Variants in PHC3 observed in about 807,000 individuals in gnomAD.
PHC3 encodes polyhomeotic homolog 3.
Under a neutral mutation model 107.4 loss-of-function variants are expected in PHC3, and 13 were observed. The ratio of observed to expected loss-of-function variants is 0.12; its 90% CI spans 0.08 to 0.19. The LOEUF is 0.19. PHC3 is among the 10% of genes least tolerant of loss of function. The probability of loss-of-function intolerance (pLI) is 1.00; values close to 1 mark genes in which losing one functional copy is unlikely to be tolerated. For missense variants in PHC3, 992 were observed against 1,210.9 expected, an observed-to-expected ratio of 0.82 and a Z score of 2.68; for synonymous variants, 456 against 427.4, an observed-to-expected ratio of 1.07 and a Z score of -0.83.
At chr3:170,145,130 G>A (rs769586013) in intron 6 of PHC3, among the ~76,000 whole-genome samples, 1 of 152,148 alleles carries the variant, frequency 6.6e-6, no homozygotes, top group Non-Finnish European at 1.5e-5. Flanking sequence ...TCTCACATGA[G>A]AAATAAATCT....
At chr3:170,106,713 C>T in intron 12 of PHC3, 119 bp downstream of exon 12, 1 of 543,540 alleles carries the variant, frequency 1.8e-6, no homozygotes, top group Non-Finnish European at 3.1e-6. Flanking sequence ...TAGGTTTCTT[C>T]TATAATATTA....
At chr3:170,151,028 T>G (rs1725869769) in intron 4 of PHC3, among the ~76,000 whole-genome samples, 1 of 151,998 alleles carries the variant, frequency 6.6e-6, no homozygotes, top group Admixed American at 6.6e-5. Flanking sequence ...CTGACCAACA[T>G]GGTGAAATCC....
At chr3:170,128,455 G>A (rs1203244681) in intron 8 of PHC3, 18 of 1,212,054 alleles carry the variant, frequency 1.5e-5, no homozygotes, top group Admixed American at 3.0e-5. Context: ...TAAAATTAAC[G>A]AGGGACTTTA....
rs1338673306 is a variant in PHC3, at chr3:170,092,454, A to G, written c.*4776T>C. ...CTCCAAGTAGATTTGTAAAATACCA[A>G]TATTGATGAATGTGGGTAAACAGTT... On this transcript the variant is annotated 3_prime_UTR_variant, in exon 15 of 15. Transcript: ENST00000495893. 2.6e-5 allele frequency: 4 copies of G among 152,218 alleles called. No homozygotes were observed. Among genetic ancestry groups the G allele is most frequent in the Non-Finnish European group, 4.4e-5 (3 of 68,038 alleles). The allele number at this position is 152,218 out of a possible 1,614,324, so 9.4% of individuals were successfully genotyped here. A position where few individuals can be genotyped will look rare whatever the true frequency, so the allele number is the denominator to read the frequency against.
chr3:170,129,046 C>T lies in PHC3; in HGVS notation c.1426G>A (p.Val476Ile). ...GACTGCTGAACTGGGCCAATGTGTA[C>T]AACAGGGGAAGCTGGAAGTGGAAGA... ...SHLPLPASPV[V>I]HIGPVQQSAL... The change falls in exon 8 of 15, where the codon GTA becomes ATA. Residue 476 changes from valine to isoleucine, a missense_variant. This residue lies in a region of PHC3 where 543 missense variants were observed against 590.8 expected (regional missense o/e 0.92). Coordinates refer to ENST00000495893, the MANE Select transcript of PHC3 (RefSeq NM_024947.4). 6.2e-7 allele frequency: 1 copy of T among 1,612,330 alleles called. No individual in the cohort carries two copies. Among genetic ancestry groups the T allele is most frequent in the Non-Finnish European group, 8.5e-7 (1 of 1,179,052 alleles).
chr3:170,146,164 CAGG>C (rs1168077235), intron 5 of PHC3, among the ~76,000 whole-genome samples: 3 of 152,100 alleles, frequency 2.0e-5, no homozygotes, highest in Admixed American at 6.6e-5. Flanking sequence ...CACTGGAGGT[CAGG>C]AGTTCAAGAC....
chr3:170,146,167 G>C (rs1399207173), intron 5 of PHC3, among the ~76,000 whole-genome samples: 1 of 152,064 alleles, frequency 6.6e-6, no homozygotes, highest in African/African-American at 2.4e-5. Flanking sequence ...TGGAGGTCAG[G>C]AGTTCAAGAC....
intron 7 of PHC3, among the ~76,000 whole-genome samples, chr3:170,135,447 G>A (rs1253440978): frequency 1.4e-5 from 2 of 142,480 alleles, no homozygotes; most frequent in African/African-American, 4.9e-5. Context: ...CACTGCACCC[G>A]CCCAGATTTT....
rs1714727951 is a variant in PHC3 at position 170,097,170 on chromosome 3, A to T, written c.*60T>A. On this transcript the variant is annotated 3_prime_UTR_variant, in exon 15 of 15. Transcript: ENST00000495893. The surrounding 1 kb of genome is among the most constrained non-coding windows in gnomAD (Gnocchi z 4.1). ...ATATTCTAGACCAAGTTAGGCCTTT[A>T]CCTTACAAGTTTTTGTGAGAAAAGT... 11 of 1,524,534 alleles carry T rather than the reference A, an allele frequency of 7.2e-6. No individual in the cohort carries two copies. The highest frequency in any genetic ancestry group is 8.9e-6 in the Non-Finnish European group (10 of 1,124,786). The allele number at this position is 1,524,534 out of a possible 1,614,324, so 94.4% of individuals were successfully genotyped here. A position where few individuals can be genotyped will look rare whatever the true frequency, so the allele number is the denominator to read the frequency against.
intron 1 of PHC3, among the ~76,000 whole-genome samples, chr3:170,180,356 G>C (rs1314290961): frequency 6.6e-6 from 1 of 152,076 alleles, no homozygotes; most frequent in Non-Finnish European, 1.5e-5. Context: ...GGCTAAGGTG[G>C]GGAAATCGCT....
At chr3:170,126,924 T>C (rs185693634) in intron 8 of PHC3, among the ~76,000 whole-genome samples, 2 of 151,990 alleles carry the variant, frequency 1.3e-5, no homozygotes, top group African/African-American at 4.8e-5. Context: ...AAAGAAGTTT[T>C]TTTTTGTTTG....
At chr3:170,177,577 G>A (rs963291889) in intron 2 of PHC3, among the ~76,000 whole-genome samples, 18 of 151,954 alleles carry the variant, frequency 1.2e-4, no homozygotes, top group African/African-American at 4.4e-4. Flanking sequence ...ATGTTGATCA[G>A]GCTGGTCTCA....
chr3:170,157,177 A>G (rs1490529365), intron 4 of PHC3, among the ~76,000 whole-genome samples: 1 of 152,240 alleles, frequency 6.6e-6, no homozygotes, highest in African/African-American at 2.4e-5. Context: ...AGCTTAAGTG[A>G]GATTGATCTC....
chr3:170,102,537 T>G lies in PHC3; in HGVS notation c.2775A>C (p.Gln925His). The change falls in exon 14 of 15, where the codon CAA (glutamine) becomes CAC (histidine). Residue 925 changes from glutamine to histidine, a missense_variant. Gln to His is a conservative substitution (Grantham distance 24). This residue lies in a region of PHC3 where 228 missense variants were observed against 288.8 expected (regional missense o/e 0.79). Transcript: ENST00000495893. The stretch of plus-strand genomic sequence containing the variant: ...CAACTGTCCATATAGATGGCTCTGT[T>G]TGTGCAACTGGTAGCAAGTCACTGT... ...PENSDLLPVAQTEPSIWTVDD... is the reference protein window; with the variant it reads ...PENSDLLPVAHTEPSIWTVDD... 6.2e-7 allele frequency: 1 copy of G among 1,613,900 alleles called. No individual in the cohort carries two copies. Among genetic ancestry groups the G allele is most frequent in the Non-Finnish European group, 8.5e-7 (1 of 1,179,830 alleles).
At chr3:170,123,732 G>A (rs1372777215) in intron 8 of PHC3, among the ~76,000 whole-genome samples, 1 of 151,962 alleles carries the variant, frequency 6.6e-6, no homozygotes, top group African/African-American at 2.4e-5. Flanking sequence ...GGCAGAGGTT[G>A]CAGTGAGCCA....
chr3:170,125,462 C>T (rs1232384246), intron 8 of PHC3, among the ~76,000 whole-genome samples: 1 of 152,156 alleles, frequency 6.6e-6, no homozygotes, highest in Non-Finnish European at 1.5e-5. Flanking sequence ...ATAGATAGTA[C>T]TTTTCTTCCA....
chr3:170,117,134 T>G, intron 10 of PHC3, 92 bp downstream of exon 10: 2 of 1,468,580 alleles, frequency 1.4e-6, no homozygotes, highest in Non-Finnish European at 1.9e-6. Context: ...GAAATAAAAT[T>G]ACAAGCTTTT....
intron 8 of PHC3, among the ~76,000 whole-genome samples, chr3:170,122,950 T>C (rs983568636): frequency 2.0e-5 from 3 of 152,216 alleles, no homozygotes; most frequent in African/African-American, 7.2e-5. Flanking sequence ...AAGCAAGCTG[T>C]GGATCAGTAT....
chr3:170,150,971 G>C (rs1382618699), intron 4 of PHC3, among the ~76,000 whole-genome samples: 1 of 152,094 alleles, frequency 6.6e-6, no homozygotes, highest in South Asian at 2.1e-4. Flanking sequence ...CCAGCACTTT[G>C]GGAGGCTGAG....
Sources: gnomAD v4.1 joint callset for allele counts (sites outside exome capture counted in the v4.1 genomes callset) on GRCh38, gnomAD v4.1.1 for gene constraint, gnomAD v4.1.1 regional missense constraint, Gnocchi (gnomAD v3.1) non-coding constraint, MANE v1.5 for transcripts, NCBI Gene and HGNC (gene_info 2026-07-23, HGNC 2026-07-21) for gene names.